Variants in ZBP1 observed in about 807,000 individuals in gnomAD.
The protein encoded by ZBP1 is Z-DNA binding protein 1, also known as Z-DNA-binding protein 1.
ZBP1 carries 42 observed loss-of-function variants against 41.1 expected under a neutral mutation model. The ratio of observed to expected loss-of-function variants is 1.02; its 90% CI spans 0.80 to 1.32. ZBP1 has a LOEUF of 1.32. ZBP1 is among the 40% of genes most tolerant of loss of function. The pLI, the probability that ZBP1 is intolerant of heterozygous loss-of-function variation, is 0.00. For missense variants in ZBP1, 562 were observed against 549.7 expected (o/e 1.02, Z -0.22); for synonymous variants, 214 against 205.2 (o/e 1.04, Z -0.37).
Position 57,604,731 on chromosome 20 carries a change from G to A in ZBP1, c.1132C>T (p.Pro378Ser). 6.2e-7 allele frequency: 1 copy of A among 1,614,168 alleles called. No individual in the cohort carries two copies. The part of the protein sequence containing the change: ...PADTQSRSHF[P>S]RDIGQPITPS... ...GTGATGGGCTGACCAATGTCTCGAG[G>A]AAAGTGACTTCTGGATTGTGTGTCT... Residue 378 changes from proline to serine, a missense_variant, in exon 8 of 8, where the codon CCT becomes TCT. Pro to Ser is a moderately conservative substitution (Grantham distance 74). Transcript: ENST00000371173.
chr20:57,608,539 G>A (rs1426171853), intron 7 of ZBP1, among the ~76,000 whole-genome samples: 3 of 152,228 alleles, frequency 2.0e-5, no homozygotes, highest in South Asian at 2.1e-4. Context: ...GTCCTAAGCC[G>A]GATCCCCATC....
At position 57,610,061 on chromosome 20, in the gene ZBP1, G is replaced by A. The variant is rs553124541; in HGVS notation, c.1093+88C>T. 33 of 1,402,830 alleles carry A rather than the reference G, an allele frequency of 2.4e-5. No individual in the cohort carries two copies. The highest frequency in any genetic ancestry group is 2.5e-4 in the Middle Eastern group (1 of 3,922). 86.9% of individuals were successfully genotyped at this position (1,402,830 alleles called of 1,614,324 possible). ...AGACTCCGGGAAACCAGAGATTAGC[G>A]AATGATCGATGAGAGTGAATGAATG... On this transcript the variant is annotated intron_variant, in intron 7 of 7. Coordinates refer to ENST00000371173, the MANE Select transcript of ZBP1 (RefSeq NM_030776.3). This position sits in a 1 kb window ranked among gnomAD's most constrained non-coding sequence, Gnocchi z 5.5.
At chr20:57,615,171 C>T in intron 3 of ZBP1, 111 bp from the exon 4 acceptor site, 1 of 1,220,678 alleles carries the variant, frequency 8.2e-7, no homozygotes, top group Non-Finnish European at 1.2e-6. Flanking sequence ...CTGGTTTCCT[C>T]ATCTGTAAAA....
chr20:57,612,870 G>A lies in ZBP1; in HGVS notation c.670+293C>T, dbSNP rs116958799. ...TTGAAAATGAGGCATAAGGTCAGGC[G>A]CAACACAGAGATACCCCATCTTAAT... is the stretch of plus-strand genomic sequence containing the variant. On this transcript the variant is annotated intron_variant, in intron 5 of 7. Transcript: ENST00000371173. 1,192 of 1,275,664 alleles carry A rather than the reference G, an allele frequency of 9.3e-4. 5 individuals carry two copies. The highest frequency in any genetic ancestry group is 8.3e-3 in the East Asian group (264 of 31,984). 79.0% of individuals were successfully genotyped at this position (1,275,664 alleles called of 1,614,324 possible).
intron 4 of ZBP1, among the ~76,000 whole-genome samples, chr20:57,614,677 G>A (rs1295960069): frequency 6.6e-6 from 1 of 152,218 alleles, no homozygotes; most frequent in Non-Finnish European, 1.5e-5. Flanking sequence ...TGCAACTGCA[G>A]ACCTTGGGCC....
chr20:57,618,498 G>A (rs187356595), intron 1 of ZBP1, among the ~76,000 whole-genome samples: 230 of 152,122 alleles, frequency 1.5e-3, no homozygotes, highest in African/African-American at 5.2e-3. Context: ...CCACTCCTGC[G>A]CCCACCAAAC....
intron 7 of ZBP1, among the ~76,000 whole-genome samples, chr20:57,606,023 C>A (rs1490762434): frequency 1.4e-5 from 2 of 138,290 alleles, no homozygotes; most frequent in African/African-American, 5.1e-5. Context: ...CACTTTAAAT[C>A]AAAAGTGAGA....
In ZBP1 at chr20:57,613,045, C is replaced by A. The variant is rs1409478560; in HGVS notation, c.670+118G>T. 24 of 1,537,206 alleles carry A rather than the reference C, an allele frequency of 1.6e-5. No homozygotes were observed. The highest frequency in any genetic ancestry group is 1.2e-4 in the East Asian group (5 of 40,908). On this transcript the variant is annotated intron_variant, in intron 5 of 7. Coordinates refer to ENST00000371173, the MANE Select transcript of ZBP1 (RefSeq NM_030776.3). The surrounding 1 kb of genome is among the most constrained non-coding windows in gnomAD (Gnocchi z 4.5). ...GTGGACTGTGGGGGTCTGGAAGCAA[C>A]CCTTTCCCCTTGGAGGGCAGAATCC...
At chr20:57,608,376 C>A (rs1343309962) in intron 7 of ZBP1, among the ~76,000 whole-genome samples, 1 of 152,226 alleles carries the variant, frequency 6.6e-6, no homozygotes, top group Non-Finnish European at 1.5e-5. Flanking sequence ...CCTGCCTCGG[C>A]CTCCCAAAGT....
Position 57,610,680 on chromosome 20 carries a change from C to A in ZBP1, c.875-313G>T. 2.2e-6 allele frequency: 1 copy of A among 453,274 alleles called. No homozygotes were observed. Among genetic ancestry groups the A allele is most frequent in the Non-Finnish European group, 4.0e-6 (1 of 247,472 alleles). 28.1% of individuals were successfully genotyped at this position (453,274 alleles called of 1,614,324 possible). On this transcript the variant is annotated intron_variant, in intron 6 of 7. Coordinates refer to ENST00000371173, the MANE Select transcript of ZBP1 (RefSeq NM_030776.3). This position sits in a 1 kb window ranked among gnomAD's most constrained non-coding sequence, Gnocchi z 5.5. ...TCCTCTCTCCTCTGCTGCCTGCTTCCCACTGCACTGGAACACTGGCCCCCA... is the reference window on the plus strand; with the variant it reads ...TCCTCTCTCCTCTGCTGCCTGCTTCACACTGCACTGGAACACTGGCCCCCA...
rs373910554 is a variant in ZBP1, at chr20:57,620,268, T to C, written c.28A>G (p.Arg10Gly). MAQAPADPG[R>G]EGHLEQRILQ... is the part of the protein sequence containing the mutation. The stretch of plus-strand genomic sequence containing the variant: ...GAAGGAAGAAGTACTGTACCTTCTC[T>C]GCCCGGGTCAGCAGGAGCCTGGGCC... Residue 10 changes from arginine to glycine, a missense_variant, in exon 1 of 8, where the codon AGA becomes GGA. Arg to Gly is a moderately radical substitution (Grantham distance 125). Transcript: ENST00000371173. 83 of 1,594,480 alleles carry C rather than the reference T, an allele frequency of 5.2e-5. No individual in the cohort carries two copies. The highest frequency in any genetic ancestry group is 8.0e-5 in the African/African-American group (6 of 74,596).
chr20:57,611,592 T>A, intron 6 of ZBP1, 135 bp downstream of exon 6: 1 of 1,034,220 alleles, frequency 9.7e-7, no homozygotes, highest in Non-Finnish European at 1.4e-6. Flanking sequence ...CCTGCTCTAC[T>A]CTGGTTCAGC....
At position 57,613,909 on chromosome 20, in the gene ZBP1, G is replaced by C. The variant is rs572917197; in HGVS notation, c.503-579C>G. Among the ~76,000 whole-genome samples, 34 of 151,898 alleles carry C rather than the reference G, an allele frequency of 2.2e-4. No individual in the cohort carries two copies. The East Asian group carries it at 6.4e-3, about 28-fold the overall frequency. On this transcript the variant is annotated intron_variant, in intron 4 of 7. Coordinates refer to ENST00000371173, the MANE Select transcript of ZBP1 (RefSeq NM_030776.3). The surrounding 1 kb of genome is among the most constrained non-coding windows in gnomAD (Gnocchi z 4.5). ...GTTGAGGCAGGCACCTGCCCAGACTGTGCGGGGCCCATCACCACCCTCCAG... is the reference window on the plus strand; with the variant it reads ...GTTGAGGCAGGCACCTGCCCAGACTCTGCGGGGCCCATCACCACCCTCCAG...
At chr20:57,612,859 T>A in intron 5 of ZBP1, 1 of 1,229,910 alleles carries the variant, frequency 8.1e-7, no homozygotes, top group African/African-American at 1.5e-5. Context: ...AAATGAGGCA[T>A]AAGGTCAGGC....
intron 1 of ZBP1, chr20:57,617,657 G>A (rs762647160): frequency 2.0e-5 from 3 of 151,948 alleles, no homozygotes; most frequent in Non-Finnish European, 2.9e-5. Context: ...AGGAGTTCTA[G>A]ACCAGCCTGG....
chr20:57,615,625 G>T, intron 2 of ZBP1, 45 bp from the exon 3 acceptor site: 1 of 1,559,160 alleles, frequency 6.4e-7, no homozygotes, highest in East Asian at 2.3e-5. Context: ...ACAGAAGACA[G>T]CACCAGGCCT....
Position 57,616,442 on chromosome 20 carries a change from C to A in ZBP1, c.61G>T (p.Val21Leu). ...EGHLEQRILQ[V>L]LTEAGSPVKL... Reference sequence around the variant, plus strand: ...ACCGGGGAGCCAGCCTCTGTCAGCACCTGCAGGATTCTTTGTTCAAGGTGG... The same window carrying A: ...ACCGGGGAGCCAGCCTCTGTCAGCAACTGCAGGATTCTTTGTTCAAGGTGG... The change falls in exon 2 of 8, where the codon GTG (valine) becomes TTG (leucine). Residue 21 changes from valine (V) to leucine (L), a missense_variant. By Grantham distance (32) the Val-to-Leu change is conservative. Coordinates refer to ENST00000371173, the MANE Select transcript of ZBP1 (RefSeq NM_030776.3). 6.2e-7 allele frequency: 1 copy of A among 1,613,832 alleles called. No homozygotes were observed. The highest frequency in any genetic ancestry group is 8.5e-7 in the Non-Finnish European group (1 of 1,179,990).
In ZBP1 at chr20:57,614,982, G is replaced by C; in HGVS notation, c.407C>G (p.Thr136Arg). 1 of 1,614,226 alleles carries C rather than the reference G, an allele frequency of 6.2e-7. No individual in the cohort carries two copies. Among genetic ancestry groups the C allele is most frequent in the South Asian group, 1.1e-5 (1 of 91,080 alleles). Residue 136 changes from threonine to arginine, a missense_variant, in exon 4 of 8, where the codon ACA (threonine) becomes AGA (arginine). Physicochemically the swap from Thr to Arg is moderately conservative, Grantham distance 71. Coordinates refer to ENST00000371173, the MANE Select transcript of ZBP1 (RefSeq NM_030776.3). The part of the protein sequence containing the change: ...LVIAQALGMR[T>R]AKDVNRDLYR... ...CAAGTCTCGGTTCACATCTTTTGCT[G>C]TCCTCATTCCCAGTGCTTGGGCGAT...
chr20:57,615,640 C>T, intron 2 of ZBP1, 60 bp from the exon 3 acceptor site: 2 of 1,509,742 alleles, frequency 1.3e-6, no homozygotes, highest in East Asian at 2.3e-5. Flanking sequence ...AGGCCTCCAC[C>T]CCACAAAGGT....
Sources: allele counts gnomAD v4.1 joint callset (sites outside exome capture counted in the v4.1 genomes callset), GRCh38; gene constraint gnomAD v4.1.1; non-coding constraint Gnocchi (gnomAD v3.1); transcripts MANE v1.5; gene names NCBI Gene and HGNC (gene_info 2026-07-23, HGNC 2026-07-21).